The following ZNF385D variants were observed in gnomAD, a reference collection of about 807,000 sequenced individuals.
ZNF385D encodes the protein zinc finger protein 659.
Under a neutral mutation model 35.8 loss-of-function variants are expected in ZNF385D, and 15 were observed. The observed-to-expected ratio is 0.42, with a 90% CI of 0.28 to 0.64. The LOEUF (loss-of-function observed/expected upper bound fraction) is 0.64. Among genes scored for constraint, ZNF385D ranks in the 30% least tolerant of loss-of-function variants. ZNF385D has a pLI of 0.23. For missense variants in ZNF385D, 474 were observed against 494.6 expected, an observed-to-expected ratio of 0.96 and a Z score of 0.39; for synonymous variants, 212 against 186.8, an observed-to-expected ratio of 1.13 and a Z score of -1.10.
chr3:21,776,148 T>G (rs2071278158), intron 3 of ZNF385D, among the ~76,000 whole-genome samples: 1 of 151,914 alleles, frequency 6.6e-6, no homozygotes, highest in Admixed American at 6.6e-5. Context: ...TGTGTCATAT[T>G]TACATACACA....
chr3:21,769,114 T>C (rs1408523002), intron 3 of ZNF385D, among the ~76,000 whole-genome samples: 1 of 151,952 alleles, frequency 6.6e-6, no homozygotes, highest in Non-Finnish European at 1.5e-5. Flanking sequence ...TCTGCATCTA[T>C]TGAGATAATA....
chr3:22,330,042 C>T (rs1262584068), intron 2 of ZNF385D, among the ~76,000 whole-genome samples: 1 of 152,088 alleles, frequency 6.6e-6, no homozygotes, highest in Admixed American at 6.6e-5. Flanking sequence ...GTGTATTAAT[C>T]TAATTGTCTG....
intron 4 of ZNF385D, among the ~76,000 whole-genome samples, chr3:21,510,575 C>T (rs994072756): frequency 4.6e-5 from 7 of 152,112 alleles, no homozygotes; most frequent in Non-Finnish European, 8.8e-5. Flanking sequence ...AGGTTCATTT[C>T]TCAAAAAGAG....
chr3:21,710,141 G>A (rs12636140), intron 1 of ZNF385D, among the ~76,000 whole-genome samples: 32,965 of 152,042 alleles, frequency 0.22, 4,370 homozygotes, highest in East Asian at 0.44. Flanking sequence ...TTGGGTATGG[G>A]GGTATGGTTT....
intron 3 of ZNF385D, among the ~76,000 whole-genome samples, chr3:21,978,934 TTTC>T (rs1481174881): frequency 6.6e-6 from 1 of 152,176 alleles, no homozygotes; most frequent in Non-Finnish European, 1.5e-5. Flanking sequence ...CAAAACATAT[TTTC>T]TTCATATTAA....
chr3:22,137,762 G>A (rs1035973749), intron 3 of ZNF385D, among the ~76,000 whole-genome samples: 3 of 152,064 alleles, frequency 2.0e-5, no homozygotes, highest in African/African-American at 7.2e-5. Flanking sequence ...ACTGGCACAA[G>A]ACAGGGATGC....
At chr3:22,315,835 T>G (rs146003106) in intron 2 of ZNF385D, among the ~76,000 whole-genome samples, 6 of 152,236 alleles carry the variant, frequency 3.9e-5, no homozygotes, top group African/African-American at 7.2e-5. Flanking sequence ...GATCCCCTCC[T>G]TGTTCAGAGA....
At chr3:21,998,085 G>A (rs1270851846) in intron 3 of ZNF385D, among the ~76,000 whole-genome samples, 2 of 152,018 alleles carry the variant, frequency 1.3e-5, no homozygotes, top group East Asian at 3.9e-4. Flanking sequence ...TCCCACCAGT[G>A]CCATGCCAAT....
intron 2 of ZNF385D, among the ~76,000 whole-genome samples, chr3:21,649,415 AGG>A (rs1352763150): frequency 6.6e-6 from 1 of 152,154 alleles, no homozygotes; most frequent in African/African-American, 2.4e-5. Context: ...ACTATTTAGC[AGG>A]ATGACATCAT....
intron 3 of ZNF385D, among the ~76,000 whole-genome samples, chr3:21,801,970 CAT>C (rs1301184371): frequency 1.3e-5 from 2 of 152,048 alleles, no homozygotes; most frequent in African/African-American, 2.4e-5. Context: ...TGTATTAAAA[CAT>C]AAACAATTCA....
intron 3 of ZNF385D, among the ~76,000 whole-genome samples, chr3:21,802,665 T>C (rs1287621492): frequency 6.6e-6 from 1 of 152,186 alleles, no homozygotes; most frequent in Non-Finnish European, 1.5e-5. Context: ...GACGTAGAAA[T>C]ACACTCAATA....
intron 3 of ZNF385D, among the ~76,000 whole-genome samples, chr3:22,158,373 TTTC>T (rs1251413492): frequency 6.6e-6 from 1 of 152,116 alleles, no homozygotes; most frequent in Non-Finnish European, 1.5e-5. Context: ...ACTTTATAGG[TTTC>T]CTTACTTGTG....
At chr3:21,468,262 T>A (rs1263986416) in intron 4 of ZNF385D, among the ~76,000 whole-genome samples, 2 of 151,076 alleles carry the variant, frequency 1.3e-5, no homozygotes, top group African/African-American at 4.9e-5. Flanking sequence ...ATTAGCCAAC[T>A]GTGGTGGCGG....
At chr3:21,557,504 G>A (rs1349469247) in intron 3 of ZNF385D, among the ~76,000 whole-genome samples, 5 of 152,182 alleles carry the variant, frequency 3.3e-5, no homozygotes, top group Non-Finnish European at 5.9e-5. Context: ...TTGCATCCCA[G>A]GGATGAAGCT....
At chr3:22,105,956 T>C (rs1390802188) in intron 3 of ZNF385D, among the ~76,000 whole-genome samples, 2 of 152,180 alleles carry the variant, frequency 1.3e-5, no homozygotes, top group Admixed American at 1.3e-4. Flanking sequence ...TACTATTGTA[T>C]TTTGAGTAAT....
intron 2 of ZNF385D, among the ~76,000 whole-genome samples, chr3:21,642,946 A>G (rs2065649358): frequency 6.6e-6 from 1 of 152,122 alleles, no homozygotes; most frequent in Non-Finnish European, 1.5e-5. Context: ...CGGGAGAGGG[A>G]GAAATGATGA....
At chr3:21,872,274 C>G (rs1180527231) in intron 3 of ZNF385D, among the ~76,000 whole-genome samples, 1 of 152,084 alleles carries the variant, frequency 6.6e-6, no homozygotes, top group Non-Finnish European at 1.5e-5. Context: ...AGGTTTGTTT[C>G]CATTTGAGCA....
chr3:21,906,344 C>G (rs1487170327), intron 3 of ZNF385D, among the ~76,000 whole-genome samples: 1 of 152,128 alleles, frequency 6.6e-6, no homozygotes, highest in Non-Finnish European at 1.5e-5. Flanking sequence ...TGCTCAATGA[C>G]TTACAAATTC....
chr3:22,350,901 G>C (rs1449571814), intron 2 of ZNF385D, among the ~76,000 whole-genome samples: 1 of 151,926 alleles, frequency 6.6e-6, no homozygotes, highest in Non-Finnish European at 1.5e-5. Context: ...CATTCTGGGG[G>C]ATATACATTA....
Sources: gnomAD v4.1 joint callset for allele counts (sites outside exome capture counted in the v4.1 genomes callset) on GRCh38, gnomAD v4.1.1 for gene constraint, MANE v1.5 for transcripts, NCBI Gene and HGNC (gene_info 2026-07-23, HGNC 2026-07-21) for gene names.